The following EPHA6 variants were observed in gnomAD, a reference collection of about 807,000 sequenced individuals.
The protein encoded by EPHA6 is ephrin type-A receptor 6.
A neutral mutation model predicts 112.0 loss-of-function variants in EPHA6; 50 were observed. That is an observed-to-expected ratio of 0.45 (90% confidence interval 0.36 to 0.56). The LOEUF is 0.56. Among genes scored for constraint, EPHA6 ranks in the 20% least tolerant of loss-of-function variants. EPHA6 has a pLI of 0.00. For synonymous variants in EPHA6, 529 were observed against 490.7 expected, an observed-to-expected ratio of 1.08 and a Z score of -1.03; for missense variants, 1,280 against 1,417.4, an observed-to-expected ratio of 0.90 and a Z score of 1.56.
chr3:97,257,685 G>A (rs2079362472), intron 5 of EPHA6, among the ~76,000 whole-genome samples: 1 of 151,906 alleles, frequency 6.6e-6, no homozygotes, highest in Non-Finnish European at 1.5e-5. Flanking sequence ...CAGTGTTTAG[G>A]AAAGATAATA....
intron 3 of EPHA6, among the ~76,000 whole-genome samples, chr3:97,010,475 T>C (rs1427854215): frequency 2.0e-5 from 3 of 152,182 alleles, no homozygotes; most frequent in Admixed American, 6.5e-5. Context: ...ACCTCTGCCC[T>C]ATAAGCAAAT....
At chr3:97,056,744 C>A (rs2045865974) in intron 3 of EPHA6, among the ~76,000 whole-genome samples, 1 of 152,104 alleles carries the variant, frequency 6.6e-6, no homozygotes, top group African/African-American at 2.4e-5. Context: ...TTAAACAGAC[C>A]TGGGTTTGCA....
chr3:97,207,401 A>G (rs1250537945), intron 3 of EPHA6, among the ~76,000 whole-genome samples: 1 of 152,186 alleles, frequency 6.6e-6, no homozygotes, highest in East Asian at 1.9e-4. Flanking sequence ...ATGGTCAAGG[A>G]ATCAAACCAC....
intron 5 of EPHA6, among the ~76,000 whole-genome samples, chr3:97,353,405 A>G (rs535639061): frequency 6.6e-6 from 1 of 152,112 alleles, no homozygotes; most frequent in Admixed American, 6.5e-5. Flanking sequence ...ATGAAGAGAC[A>G]TAACCAGGCC....
At chr3:97,589,530 A>T (rs532671718) in intron 11 of EPHA6, among the ~76,000 whole-genome samples, 1 of 151,436 alleles carries the variant, frequency 6.6e-6, no homozygotes, top group Non-Finnish European at 1.5e-5. Flanking sequence ...TTGAGAAATA[A>T]TTTTTTTTCA....
In EPHA6 at chr3:97,085,951, A is replaced by ATATATATATATATATATATATATG. The variant is rs1434635976; in HGVS notation, c.1114+97958_1114+97959insTATATATATATATATATATATATG. The stretch of plus-strand genomic sequence containing the variant: ...GTCATATATATATATATATATATAC[A>ATATATATATATATATATATATATG]CACTGAGATGGAGTCTCTTGTCACT... On this transcript the variant is annotated intron_variant, in intron 3 of 17. Coordinates refer to ENST00000389672, the MANE Select transcript of EPHA6 (RefSeq NM_001080448.3). Among the ~76,000 whole-genome samples the ATATATATATATATATATATATATG allele has an allele frequency of 3.6e-4, 52 of 145,910 alleles. 1 individual carries two copies. The highest frequency in any genetic ancestry group is 1.4e-3 in the African/African-American group (51 of 36,798).
At chr3:97,315,935 T>G (rs2081809423) in intron 5 of EPHA6, among the ~76,000 whole-genome samples, 1 of 151,722 alleles carries the variant, frequency 6.6e-6, no homozygotes, top group African/African-American at 2.4e-5. Context: ...GCAATCAAAA[T>G]GCTATCCCAT....
intron 14 of EPHA6, among the ~76,000 whole-genome samples, chr3:97,705,474 A>C (rs1014421107): frequency 2.6e-5 from 4 of 152,192 alleles, no homozygotes; most frequent in Admixed American, 6.6e-5. Flanking sequence ...TGTACACTAC[A>C]TCTCTAACAT....
intron 2 of EPHA6, among the ~76,000 whole-genome samples, chr3:96,882,179 C>G (rs1371520706): frequency 6.6e-6 from 1 of 152,136 alleles, no homozygotes; most frequent in Non-Finnish European, 1.5e-5. Context: ...CCCCACATTT[C>G]CCTTCCGCAC....
chr3:97,284,466 C>T (rs1260064200), intron 5 of EPHA6, among the ~76,000 whole-genome samples: 1 of 152,116 alleles, frequency 6.6e-6, no homozygotes, highest in Non-Finnish European at 1.5e-5. Context: ...GTTTCATTTA[C>T]CTGTGAGTCC....
rs370744512 is a variant in EPHA6, at chr3:97,501,772, TAAC to T, written c.2200+17716_2200+17718del. Among the ~76,000 whole-genome samples, 799 of 151,976 alleles carry T rather than the reference TAAC, an allele frequency of 5.3e-3. 9 individuals are homozygous for T. The highest frequency in any genetic ancestry group is 0.018 in the African/African-American group (730 of 41,404). On this transcript the variant is annotated intron_variant, in intron 10 of 17. Transcript: ENST00000389672. The stretch of plus-strand genomic sequence containing the variant: ...ATATTAAAGAGCTAAGAATCCAGCT[TAAC>T]AATTTAGAAAAAGAGAAAGGGAATA...
chr3:97,496,950 A>G (rs1158617014), intron 10 of EPHA6, among the ~76,000 whole-genome samples: 4 of 152,078 alleles, frequency 2.6e-5, no homozygotes, highest in South Asian at 2.1e-4. Flanking sequence ...TGGCATGTCA[A>G]TTTATCATCA....
rs2036134584 is a variant in EPHA6, at chr3:97,760,505, G to A, written c.*11804G>A. On this transcript the variant is annotated 3_prime_UTR_variant, in exon 18 of 18. Transcript: ENST00000389672. ...GTGAAATTAGATTGTGAATAATGGA[G>A]ATTGCTCTCCATTTTTTGCTGTTCT... is the stretch of plus-strand genomic sequence containing the variant. The A allele has an allele frequency of 5.6e-6, 1 of 177,926 alleles. No individual in the cohort carries two copies. The highest frequency in any genetic ancestry group is 2.4e-5 in the African/African-American group (1 of 42,182). The allele number at this position is 177,926 out of a possible 1,614,324, so 11.0% of individuals were successfully genotyped here. A position where few individuals can be genotyped will look rare whatever the true frequency, so the allele number is the denominator to read the frequency against.
At chr3:97,253,612 A>T (rs1237317771) in intron 5 of EPHA6, among the ~76,000 whole-genome samples, 3 of 152,192 alleles carry the variant, frequency 2.0e-5, no homozygotes, top group Non-Finnish European at 4.4e-5. Flanking sequence ...TTATTAAAGC[A>T]AGTAAATATT....
intron 2 of EPHA6, among the ~76,000 whole-genome samples, chr3:96,911,080 G>T (rs1335948241): frequency 1.3e-5 from 2 of 152,052 alleles, no homozygotes; most frequent in African/African-American, 4.8e-5. Context: ...GGGGGAAAAT[G>T]CTGATGGCTA....
chr3:96,980,465 T>G (rs1199606405), intron 2 of EPHA6, among the ~76,000 whole-genome samples: 1 of 152,098 alleles, frequency 6.6e-6, no homozygotes, highest in South Asian at 2.1e-4. Context: ...CCTTGTAGTA[T>G]AGTTTGAAGT....
At chr3:97,010,572 G>T (rs1339940117) in intron 3 of EPHA6, among the ~76,000 whole-genome samples, 1 of 152,042 alleles carries the variant, frequency 6.6e-6, no homozygotes, top group African/African-American at 2.4e-5. Context: ...ATTAAACATA[G>T]AATAAAACCT....
chr3:97,165,951 C>T (rs966572461), intron 3 of EPHA6, among the ~76,000 whole-genome samples: 3 of 152,030 alleles, frequency 2.0e-5, no homozygotes, highest in Admixed American at 6.6e-5. Context: ...CTTTTGGTTT[C>T]AATTTTGAAA....
intron 3 of EPHA6, among the ~76,000 whole-genome samples, chr3:97,011,441 A>G (rs926882109): frequency 6.6e-6 from 1 of 152,168 alleles, no homozygotes. Flanking sequence ...TTTCAAGCAA[A>G]CAGGTAGTTA....
Sources: allele counts gnomAD v4.1 joint callset (sites outside exome capture counted in the v4.1 genomes callset), GRCh38; gene constraint gnomAD v4.1.1; transcripts MANE v1.5; gene names NCBI Gene and HGNC (gene_info 2026-07-23, HGNC 2026-07-21).